Variants in LRRC4C observed in about 807,000 individuals in gnomAD.
LRRC4C encodes the protein leucine-rich repeat-containing protein 4C.
Under a neutral mutation model 33.6 loss-of-function variants are expected in LRRC4C, and 5 were observed. The ratio of observed to expected loss-of-function variants is 0.15; its 90% confidence interval spans 0.08 to 0.31. LRRC4C has a LOEUF of 0.31. LRRC4C is among the 10% of genes least tolerant of loss of function. The pLI, the probability that LRRC4C is intolerant of heterozygous loss-of-function variation, is 1.00. For missense variants in LRRC4C, 560 were observed against 796.7 expected, an observed-to-expected ratio of 0.70 and a Z score of 3.58; for synonymous variants, 329 against 302.0, an observed-to-expected ratio of 1.09 and a Z score of -0.93.
In LRRC4C at chr11:41,345,355, T is replaced by C. The variant is rs17441838; in HGVS notation, c.-496+114076A>G. 9.2e-3 allele frequency among the ~76,000 whole-genome samples: 1,403 copies of C among 152,314 alleles called. 15 individuals are homozygous for C. Among genetic ancestry groups the C allele is most frequent in the South Asian group, 0.031 (151 of 4,832 alleles). On this transcript the variant is annotated intron_variant, in intron 1 of 6. Transcript: ENST00000528697. ...ATTATCTTTGTCGATATGTATTCTG[T>C]ACTGTATTTTAAAAAATAAAACAAA...
chr11:41,383,733 A>T (rs1953246051), intron 1 of LRRC4C, among the ~76,000 whole-genome samples: 2 of 151,964 alleles, frequency 1.3e-5, no homozygotes, highest in South Asian at 4.1e-4. Context: ...TCATGATAGA[A>T]ATAAATACAA....
rs1439838517 is a variant in LRRC4C, at chr11:40,115,978, T to C, written c.315A>G (p.Leu105=). The change falls in exon 7 of 7, where the codon CTA becomes CTG. Residue 105 remains leucine, a synonymous_variant. Coordinates refer to ENST00000528697, the MANE Select transcript of LRRC4C (RefSeq NM_001258419.2). The surrounding 1 kb of genome is among the most constrained non-coding windows in gnomAD (Gnocchi z 6.7). ...SFKHLRHLEI[L]QLSRNHIRTI... ...TTCTGATATGGTTCCTACTCAACTG[T>C]AGGATTTCCAAGTGTCTCAAGTGCT... The C allele has an allele frequency of 1.2e-6, 2 of 1,613,972 alleles. No homozygotes were observed. Among genetic ancestry groups the C allele is most frequent in the African/African-American group, 2.7e-5 (2 of 74,894 alleles).
intron 1 of LRRC4C, among the ~76,000 whole-genome samples, chr11:41,295,330 T>C (rs1374546326): frequency 2.6e-5 from 4 of 152,132 alleles, no homozygotes; most frequent in African/African-American, 7.2e-5. Flanking sequence ...ACTGAGTCAA[T>C]AGAATATACA....
chr11:40,231,474 C>CTACA (rs5791364), intron 5 of LRRC4C, among the ~76,000 whole-genome samples: 3 of 151,676 alleles, frequency 2.0e-5, no homozygotes, highest in Admixed American at 6.6e-5. Context: ...TTATAATAAA[C>CTACA]TAGTCAATAT....
chr11:41,369,700 G>T (rs1315829872), intron 1 of LRRC4C, among the ~76,000 whole-genome samples: 2 of 152,182 alleles, frequency 1.3e-5, no homozygotes, highest in African/African-American at 4.8e-5. Flanking sequence ...GGTTGAAAAG[G>T]AGGGCAAAAT....
At chr11:40,401,115 T>C (rs1415694971) in intron 3 of LRRC4C, among the ~76,000 whole-genome samples, 2 of 152,030 alleles carry the variant, frequency 1.3e-5, no homozygotes, top group African/African-American at 2.4e-5. Context: ...TTAAACTTCA[T>C]GCACTAGCAC....
At chr11:40,289,528 T>C (rs1482589029) in intron 4 of LRRC4C, among the ~76,000 whole-genome samples, 1 of 152,192 alleles carries the variant, frequency 6.6e-6, no homozygotes, top group Non-Finnish European at 1.5e-5. Context: ...GGACAACTGC[T>C]TACTCACAAA....
At chr11:40,132,415 G>A (rs985932857) in intron 6 of LRRC4C, among the ~76,000 whole-genome samples, 3 of 152,234 alleles carry the variant, frequency 2.0e-5, no homozygotes, top group African/African-American at 4.8e-5. Context: ...GTCACTCCAC[G>A]TCATTTCTTT....
At chr11:40,260,226 A>T (rs1490952172) in intron 4 of LRRC4C, among the ~76,000 whole-genome samples, 5 of 124,760 alleles carry the variant, frequency 4.0e-5, no homozygotes, top group African/African-American at 1.5e-4. Flanking sequence ...ATGCAGCCAT[A>T]AAAAATGATG....
In LRRC4C at chr11:40,233,402, C is replaced by T. The variant is rs561756252; in HGVS notation, c.-96+8117G>A. 1.4e-4 allele frequency among the ~76,000 whole-genome samples: 22 copies of T among 152,260 alleles called. No homozygotes were observed. In the South Asian group the frequency reaches 3.7e-3, roughly 26 times the overall value. ...AAATCATTTTGTTTTGGTCGCTAAT[C>T]TACCAAAACAATATATGCTCTCTTA... On this transcript the variant is annotated intron_variant, in intron 5 of 6. Transcript: ENST00000528697.
chr11:40,767,106 A>G lies in LRRC4C; in HGVS notation c.-406-118828T>C, dbSNP rs189240266. Among the ~76,000 whole-genome samples, 208 of 152,234 alleles carry G rather than the reference A, an allele frequency of 1.4e-3. 2 individuals carry two copies. Among genetic ancestry groups the G allele is most frequent in the African/African-American group, 4.9e-3 (203 of 41,574 alleles). On this transcript the variant is annotated intron_variant, in intron 2 of 6. Coordinates refer to ENST00000528697, the MANE Select transcript of LRRC4C (RefSeq NM_001258419.2). ...GCATACTTCACCTATAAAAACACAC[A>G]TAGACAGAAAATAAATAAATAAAAT...
At chr11:40,917,646 T>C (rs1394585638) in intron 2 of LRRC4C, among the ~76,000 whole-genome samples, 1 of 152,136 alleles carries the variant, frequency 6.6e-6, no homozygotes, top group East Asian at 1.9e-4. Context: ...CACTATGTGA[T>C]TGTAAAGTTA....
chr11:41,348,207 C>T (rs191156795), intron 1 of LRRC4C, among the ~76,000 whole-genome samples: 16 of 152,224 alleles, frequency 1.1e-4, no homozygotes, highest in East Asian at 3.9e-4. Context: ...GAAGGCACAC[C>T]GTTTTCTCTT....
intron 4 of LRRC4C, among the ~76,000 whole-genome samples, chr11:40,254,754 A>G (rs1227092401): frequency 7.9e-5 from 12 of 152,198 alleles, no homozygotes; most frequent in Admixed American, 7.2e-4. Flanking sequence ...CTCTTAGCTT[A>G]CTAGAGGGAG....
At chr11:40,841,516 T>C (rs72900706) in intron 2 of LRRC4C, among the ~76,000 whole-genome samples, 8,279 of 152,262 alleles carry the variant, frequency 0.054, 268 homozygotes, top group Non-Finnish European at 0.07. Context: ...AGTTCACTTT[T>C]TCTTTCTCTC....
intron 3 of LRRC4C, among the ~76,000 whole-genome samples, chr11:40,546,112 TC>T (rs1956911329): frequency 6.6e-6 from 1 of 150,548 alleles, no homozygotes; most frequent in African/African-American, 2.5e-5. Flanking sequence ...CTTCCTTCCT[TC>T]CTTCCTTCCT....
intron 3 of LRRC4C, among the ~76,000 whole-genome samples, chr11:40,416,903 G>A (rs1438389483): frequency 2.3e-4 from 35 of 152,136 alleles, no homozygotes; most frequent in Admixed American, 2.2e-3. Flanking sequence ...AGTATTTGTT[G>A]AATGAATGAA....
At chr11:40,836,284 T>TC (rs1366786164) in intron 2 of LRRC4C, among the ~76,000 whole-genome samples, 1 of 152,128 alleles carries the variant, frequency 6.6e-6, no homozygotes, top group Non-Finnish European at 1.5e-5. Context: ...TCCATCTCAT[T>TC]CCCCATGAAG....
chr11:40,490,082 A>G (rs1235484949), intron 3 of LRRC4C, among the ~76,000 whole-genome samples: 1 of 152,130 alleles, frequency 6.6e-6, no homozygotes, highest in East Asian at 1.9e-4. Flanking sequence ...GTGTCAAACA[A>G]TGCCTGCCAT....
Sources: allele counts gnomAD v4.1 joint callset (sites outside exome capture counted in the v4.1 genomes callset), GRCh38; gene constraint gnomAD v4.1.1; non-coding constraint Gnocchi (gnomAD v3.1); transcripts MANE v1.5; gene names NCBI Gene and HGNC (gene_info 2026-07-23, HGNC 2026-07-21).